Variants in INPP4B observed in about 807,000 individuals in gnomAD.
INPP4B encodes inositol polyphosphate 4-phosphatase type II.
A neutral mutation model predicts 122.5 loss-of-function variants in INPP4B; 55 were observed. The observed-to-expected ratio is 0.45, with a 90% CI of 0.36 to 0.56. The LOEUF (loss-of-function observed/expected upper bound fraction) is 0.56. Ranked by LOEUF, INPP4B falls within the 20% of genes least tolerant of loss-of-function variation. The pLI, the probability that INPP4B is intolerant of heterozygous loss-of-function variation, is 0.00. For synonymous variants in INPP4B, 403 were observed against 388.7 expected, an observed-to-expected ratio of 1.04 and a Z score of -0.43; for missense variants, 1,000 against 1,097.7, an observed-to-expected ratio of 0.91 and a Z score of 1.26.
intron 2 of INPP4B, among the ~76,000 whole-genome samples, chr4:142,495,465 C>A (rs1822425976): frequency 6.6e-6 from 1 of 151,796 alleles, no homozygotes. Context: ...AACATTATGA[C>A]AATGTGTTAA....
At chr4:142,368,653 G>A (rs1788486548) in intron 7 of INPP4B, among the ~76,000 whole-genome samples, 2 of 151,826 alleles carry the variant, frequency 1.3e-5, no homozygotes, top group Admixed American at 1.3e-4. Context: ...GTGTTGAAAT[G>A]TATGTTTGTA....
At chr4:142,274,594 A>G (rs868222245) in intron 9 of INPP4B, among the ~76,000 whole-genome samples, 1 of 151,918 alleles carries the variant, frequency 6.6e-6, no homozygotes, top group Non-Finnish European at 1.5e-5. Context: ...AGCTTTTCTT[A>G]TAATATCATA....
intron 12 of INPP4B, among the ~76,000 whole-genome samples, chr4:142,220,630 C>A (rs1020810294): frequency 6.6e-6 from 1 of 152,128 alleles, no homozygotes; most frequent in African/African-American, 2.4e-5. Flanking sequence ...TAAGTCCAGG[C>A]AGTTTAGCTT....
chr4:142,811,808 G>A (rs1421217351), intron 1 of INPP4B, among the ~76,000 whole-genome samples: 1 of 152,016 alleles, frequency 6.6e-6, no homozygotes, highest in Non-Finnish European at 1.5e-5. Flanking sequence ...CACTCCATGA[G>A]GATTAGGACC....
intron 2 of INPP4B, among the ~76,000 whole-genome samples, chr4:142,637,429 G>A (rs370343962): frequency 5.3e-5 from 8 of 151,956 alleles, no homozygotes; most frequent in African/African-American, 1.7e-4. Context: ...CAGAATGCCC[G>A]ATATTTAAAA....
chr4:142,603,648 C>T (rs1356216905), intron 2 of INPP4B, among the ~76,000 whole-genome samples: 1 of 151,764 alleles, frequency 6.6e-6, no homozygotes. Flanking sequence ...ATAAAACTTA[C>T]CAAAATAAAA....
At chr4:142,638,163 T>C (rs1202772465) in intron 2 of INPP4B, among the ~76,000 whole-genome samples, 1 of 152,210 alleles carries the variant, frequency 6.6e-6, no homozygotes, top group Non-Finnish European at 1.5e-5. Context: ...TCTCATTCTC[T>C]TGACATTGTC....
chr4:142,384,196 G>T (rs747154979), intron 7 of INPP4B: 7 of 691,862 alleles, frequency 1.0e-5, no homozygotes, highest in Non-Finnish European at 1.8e-5. Context: ...GTACATGTGG[G>T]TTAAGACAAA....
chr4:142,023,565 A>G lies in INPP4B; in HGVS notation c.*5217T>C, dbSNP rs913521202. 2 of 152,230 alleles carry G rather than the reference A, an allele frequency of 1.3e-5. No homozygotes were observed. The highest frequency in any genetic ancestry group is 2.9e-5 in the Non-Finnish European group (2 of 68,040). The allele number at this position is 152,230 out of a possible 1,614,324, so 9.4% of individuals were successfully genotyped here. On this transcript the variant is annotated 3_prime_UTR_variant, in exon 26 of 26. Coordinates refer to ENST00000262992, the MANE Select transcript of INPP4B (RefSeq NM_001101669.3). Reference sequence around the variant, plus strand: ...TTAATGTTGATAGTGACATAAAAACATCACAAGAATTATCTAGATAATATA... The same window carrying G: ...TTAATGTTGATAGTGACATAAAAACGTCACAAGAATTATCTAGATAATATA...
chr4:142,746,694 A>G (rs1007349657), intron 1 of INPP4B, among the ~76,000 whole-genome samples: 8 of 152,148 alleles, frequency 5.3e-5, no homozygotes, highest in Admixed American at 2.6e-4. Context: ...ATGGAACAGA[A>G]CAGAGGCCTC....
intron 7 of INPP4B, among the ~76,000 whole-genome samples, chr4:142,381,875 C>T (rs1054446492): frequency 1.3e-5 from 2 of 151,816 alleles, no homozygotes; most frequent in African/African-American, 4.8e-5. Flanking sequence ...CTTCAGGATT[C>T]AATATTTTTC....
At chr4:142,134,586 G>A (rs1212688092) in intron 18 of INPP4B, among the ~76,000 whole-genome samples, 9 of 151,822 alleles carry the variant, frequency 5.9e-5, no homozygotes, top group Admixed American at 3.9e-4. Flanking sequence ...ACCTGAGGTC[G>A]GGAGTTCGAG....
intron 7 of INPP4B, among the ~76,000 whole-genome samples, chr4:142,348,669 C>G (rs1439651372): frequency 1.3e-5 from 2 of 152,010 alleles, no homozygotes; most frequent in East Asian, 3.9e-4. Flanking sequence ...AACATTGCTC[C>G]AAGGCTGCAA....
intron 12 of INPP4B, among the ~76,000 whole-genome samples, chr4:142,227,856 TAAAAAAA>T (rs60375355): frequency 1.8e-4 from 6 of 34,228 alleles, no homozygotes; most frequent in Non-Finnish European, 3.4e-4. Context: ...AGACTCTATC[TAAAAAAA>T]AAAAAAAAAA....
intron 18 of INPP4B, among the ~76,000 whole-genome samples, chr4:142,140,292 G>T (rs534050698): frequency 5.6e-4 from 86 of 152,282 alleles, no homozygotes; most frequent in Non-Finnish European, 1.1e-3. Context: ...GGATAGATTA[G>T]GAAAAATAAT....
At chr4:142,096,609 G>A (rs1403013887) in intron 23 of INPP4B, among the ~76,000 whole-genome samples, 1 of 152,108 alleles carries the variant, frequency 6.6e-6, no homozygotes, top group Non-Finnish European at 1.5e-5. Flanking sequence ...AGAAACAGAA[G>A]TGCTTCTAAA....
At chr4:142,643,857 T>C (rs912074691) in intron 2 of INPP4B, among the ~76,000 whole-genome samples, 6 of 152,130 alleles carry the variant, frequency 3.9e-5, no homozygotes, top group Non-Finnish European at 8.8e-5. Flanking sequence ...GAACAGAGCA[T>C]GATCAAGAAA....
At chr4:142,814,112 A>G (rs998932324) in intron 1 of INPP4B, among the ~76,000 whole-genome samples, 3 of 152,224 alleles carry the variant, frequency 2.0e-5, no homozygotes, top group African/African-American at 7.2e-5. Flanking sequence ...TTCCCCTATC[A>G]GGGTGTTCCA....
At position 142,135,799 on chromosome 4, in the gene INPP4B, T is replaced by A. The variant is rs79116487; in HGVS notation, c.1720+10041A>T. ...TTGTTTGTTTGTTTGTTTATTTTTT[T>A]AATGTTTGTTTGTTTGAGACAGAGT... On this transcript the variant is annotated intron_variant, in intron 18 of 25. Transcript: ENST00000262992. 9.6e-3 allele frequency among the ~76,000 whole-genome samples: 1,463 copies of A among 152,208 alleles called. 29 individuals are homozygous for A. The highest frequency in any genetic ancestry group is 0.034 in the African/African-American group (1,393 of 41,514).
Sources: allele counts gnomAD v4.1 joint callset (sites outside exome capture counted in the v4.1 genomes callset), GRCh38; gene constraint gnomAD v4.1.1; transcripts MANE v1.5; gene names NCBI Gene and HGNC (gene_info 2026-07-23, HGNC 2026-07-21).